EYS: variants seen among roughly 807,000 people sequenced by gnomAD.
EYS encodes EGF-like photoreceptor maintenance factor.
A neutral mutation model predicts 282.1 loss-of-function variants in EYS; 250 were observed. That is an observed-to-expected ratio of 0.89 (90% CI 0.80 to 0.98). The LOEUF (loss-of-function observed/expected upper bound fraction) is 0.98. Ranked by LOEUF, EYS falls within the 50% of genes least tolerant of loss-of-function variation. The pLI, the probability that EYS is intolerant of heterozygous loss-of-function variation, is 0.00. For missense variants in EYS, 4,016 were observed against 3,709.0 expected (o/e 1.08, Z -2.15); for synonymous variants, 1,355 against 1,282.9 (o/e 1.06, Z -1.20).
At chr6:64,194,260 T>C (rs1244238359) in intron 31 of EYS, among the ~76,000 whole-genome samples, 1 of 149,856 alleles carries the variant, frequency 6.7e-6, no homozygotes, top group African/African-American at 2.5e-5. Context: ...ATTCAAGAAG[T>C]CTTGTCTATT....
intron 12 of EYS, among the ~76,000 whole-genome samples, chr6:65,179,930 A>G (rs1765330466): frequency 6.6e-6 from 1 of 152,156 alleles, no homozygotes; most frequent in African/African-American, 2.4e-5. Context: ...GTAATCCAGC[A>G]TATAAACAGA....
At chr6:64,485,093 C>CA (rs1371293807) in intron 26 of EYS, among the ~76,000 whole-genome samples, 3 of 151,480 alleles carry the variant, frequency 2.0e-5, no homozygotes, top group Non-Finnish European at 4.4e-5. Context: ...AAGTGGCCCC[C>CA]AAAAAAGGAA....
At chr6:65,109,014 T>A (rs1320053826) in intron 12 of EYS, among the ~76,000 whole-genome samples, 2 of 152,086 alleles carry the variant, frequency 1.3e-5, no homozygotes, top group Non-Finnish European at 2.9e-5. Flanking sequence ...TTTCAGAAAT[T>A]GTATTTTTTT....
At chr6:63,843,671 A>G (rs1296483186) in intron 36 of EYS, among the ~76,000 whole-genome samples, 2 of 152,336 alleles carry the variant, frequency 1.3e-5, no homozygotes, top group South Asian at 4.1e-4. Context: ...AGCTGGAAGC[A>G]TTCCCGTTGA....
At chr6:64,847,408 A>G (rs1458562820) in intron 19 of EYS, among the ~76,000 whole-genome samples, 1 of 152,128 alleles carries the variant, frequency 6.6e-6, no homozygotes, top group East Asian at 1.9e-4. Context: ...CTACACTTAA[A>G]TGACTATAAT....
At chr6:65,404,285 C>T (rs1365241190) in intron 6 of EYS, among the ~76,000 whole-genome samples, 2 of 152,078 alleles carry the variant, frequency 1.3e-5, no homozygotes, top group South Asian at 2.1e-4. Flanking sequence ...CCAAATAATC[C>T]AAGATAACAT....
chr6:64,351,916 A>G lies in EYS; in HGVS notation c.6078+36774T>C, dbSNP rs77037105. On this transcript the variant is annotated intron_variant, in intron 29 of 42. Coordinates refer to ENST00000503581, the MANE Select transcript of EYS (RefSeq NM_001142800.2). ...TTATCAAATCTTTTGATTATTTACT[A>G]TATCAGGGAACGAAATAATACATTC... Among the ~76,000 whole-genome samples the G allele has an allele frequency of 1.3e-4, 20 of 151,736 alleles. No individual in the cohort carries two copies. In the East Asian group the frequency reaches 3.9e-3, roughly 30 times the overall value.
chr6:65,500,390 AG>A (rs2127276590), intron 2 of EYS, among the ~76,000 whole-genome samples: 1 of 152,156 alleles, frequency 6.6e-6, no homozygotes, highest in South Asian at 2.1e-4. Flanking sequence ...GAATTTTTAG[AG>A]TTGGCACTTT....
At chr6:63,898,368 G>A (rs1488969661) in intron 35 of EYS, among the ~76,000 whole-genome samples, 1 of 152,114 alleles carries the variant, frequency 6.6e-6, no homozygotes, top group African/African-American at 2.4e-5. Flanking sequence ...GCGCATGTCT[G>A]TAATCCCAGC....
chr6:65,677,236 A>C (rs2149836233), intron 1 of EYS, among the ~76,000 whole-genome samples: 1 of 151,866 alleles, frequency 6.6e-6, no homozygotes, highest in African/African-American at 2.4e-5. Context: ...AGGCAAGAGA[A>C]AGAAATAAAA....
chr6:65,335,235 C>T (rs1189213320), intron 10 of EYS, 89 bp from the exon 11 acceptor site: 3 of 890,534 alleles, frequency 3.4e-6, no homozygotes, highest in Non-Finnish European at 5.5e-6. Flanking sequence ...TGATAGATGC[C>T]TCTCTGTCTA....
intron 1 of EYS, among the ~76,000 whole-genome samples, chr6:65,689,333 A>T (rs994521923): frequency 6.7e-6 from 1 of 149,514 alleles, no homozygotes; most frequent in Admixed American, 6.7e-5. Context: ...ATGAGAACAC[A>T]TGGACACAAG....
Position 63,789,200 on chromosome 6 carries a change from G to A in EYS, c.7436C>T (p.Ala2479Val). The A allele has an allele frequency of 3.9e-6, 6 of 1,551,882 alleles. No homozygotes were observed. Among genetic ancestry groups the A allele is most frequent in the Non-Finnish European group, 4.4e-6 (5 of 1,146,952 alleles). The change falls in exon 38 of 43, where the codon GCT (alanine) becomes GTT (valine). Residue 2479 changes from alanine to valine, a missense_variant. Physicochemically the swap from Ala to Val is moderately conservative, Grantham distance 64. Transcript: ENST00000503581. Reference sequence around the variant, plus strand: ...CACACTGCCATTGAGCAGGCCCACAGCCAGGAAGTCATCGCCATTCAACCC... The same window carrying A: ...CACACTGCCATTGAGCAGGCCCACAACCAGGAAGTCATCGCCATTCAACCC... Reference protein sequence around the residue: ...GHGLNGDDFLAVGLLNGSVVY... With the variant: ...GHGLNGDDFLVVGLLNGSVVY...
intron 31 of EYS, among the ~76,000 whole-genome samples, chr6:64,172,435 A>G (rs1764506026): frequency 6.6e-6 from 1 of 152,118 alleles, no homozygotes; most frequent in South Asian, 2.1e-4. Flanking sequence ...TGAGTTTGAC[A>G]ATTTTAGTTA....
At chr6:64,920,475 G>T (rs1768307530) in intron 15 of EYS, among the ~76,000 whole-genome samples, 1 of 152,062 alleles carries the variant, frequency 6.6e-6, no homozygotes, top group African/African-American at 2.4e-5. Context: ...CAGTTTCTGA[G>T]CAAGTAAGTA....
chr6:65,322,341 G>A (rs556842972), intron 11 of EYS, among the ~76,000 whole-genome samples: 4 of 152,252 alleles, frequency 2.6e-5, no homozygotes, highest in Admixed American at 6.5e-5. Flanking sequence ...TGGAAACACA[G>A]GTCTCAGGAG....
intron 5 of EYS, among the ~76,000 whole-genome samples, chr6:65,481,332 C>G (rs1414810999): frequency 6.9e-6 from 1 of 144,276 alleles, no homozygotes; most frequent in African/African-American, 2.5e-5. Context: ...ATATGTATAT[C>G]TGTTTAATAA....
At chr6:65,310,254 G>T (rs571296018) in intron 11 of EYS, among the ~76,000 whole-genome samples, 91 of 152,264 alleles carry the variant, frequency 6.0e-4, no homozygotes, top group Non-Finnish European at 9.8e-4. Context: ...TGAGGCAGGA[G>T]AATTGCTTGA....
intron 14 of EYS, among the ~76,000 whole-genome samples, chr6:64,966,743 T>A (rs1041496436): frequency 1.3e-5 from 2 of 152,232 alleles, no homozygotes; most frequent in African/African-American, 4.8e-5. Context: ...TTCCCTCTGA[T>A]AAGGATACTC....
Sources: gnomAD v4.1 joint callset for allele counts (sites outside exome capture counted in the v4.1 genomes callset) on GRCh38, gnomAD v4.1.1 for gene constraint, MANE v1.5 for transcripts, NCBI Gene and HGNC (gene_info 2026-07-23, HGNC 2026-07-21) for gene names.